The following ANKRD13D variants were observed in gnomAD, a reference collection of about 807,000 sequenced individuals.
ANKRD13D encodes ankyrin repeat domain-containing protein 13D.
ANKRD13D carries 24 observed loss-of-function variants against 68.8 expected under a neutral mutation model. That is an observed-to-expected ratio of 0.35 (90% CI 0.25 to 0.49). ANKRD13D has a LOEUF of 0.49. ANKRD13D is among the 20% of genes least tolerant of loss of function. ANKRD13D has a pLI of 0.99. For synonymous variants in ANKRD13D, 331 were observed against 336.1 expected (o/e 0.98, Z 0.16); for missense variants, 735 against 832.1 (o/e 0.88, Z 1.44).
In ANKRD13D at chr11:67,299,404, T is replaced by A; in HGVS notation, c.799-126T>A. On this transcript the variant is annotated intron_variant, in intron 7 of 14. Transcript: ENST00000511455. This position sits in a 1 kb window ranked among gnomAD's most constrained non-coding sequence, Gnocchi z 6.2. ...TTCCTGGGGTTCAGACCCTGCCACC[T>A]CCTCCATTTTGGGGAGCAAGATCTC... The A allele has an allele frequency of 1.2e-6, 1 of 847,928 alleles. No homozygotes were observed. The highest frequency in any genetic ancestry group is 1.9e-6 in the Non-Finnish European group (1 of 539,346). The allele number at this position is 847,928 out of a possible 1,614,324, so 52.5% of individuals were successfully genotyped here. A position where few individuals can be genotyped will look rare whatever the true frequency, so the allele number is the denominator to read the frequency against.
rs937301826 is a variant in ANKRD13D, at chr11:67,289,396, G to T, written c.-65G>T. 5 of 1,200,852 alleles carry T rather than the reference G, an allele frequency of 4.2e-6. No individual in the cohort carries two copies. In the African/African-American group the frequency reaches 4.8e-5, roughly 12 times the overall value. The allele number at this position is 1,200,852 out of a possible 1,614,324, so 74.4% of individuals were successfully genotyped here. A position where few individuals can be genotyped will look rare whatever the true frequency, so the allele number is the denominator to read the frequency against. ...CGCAGCTGGGGCGCGGCTCGGAGGG[G>T]AGGCTAGGGGGCCGTGCCAGGCCCG... is the stretch of plus-strand genomic sequence containing the variant. On this transcript the variant is annotated 5_prime_UTR_variant, in exon 1 of 15. Coordinates refer to ENST00000511455, the MANE Select transcript of ANKRD13D (RefSeq NM_207354.3).
At chr11:67,297,095 G>C (rs1243121982) in intron 6 of ANKRD13D, among the ~76,000 whole-genome samples, 1 of 151,896 alleles carries the variant, frequency 6.6e-6, no homozygotes, top group African/African-American at 2.4e-5. Flanking sequence ...TGTTCTTTCT[G>C]GTTTAGTTTG....
chr11:67,301,359 G>A lies in ANKRD13D; in HGVS notation c.1309G>A (p.Val437Met), dbSNP rs138656438. The A allele has an allele frequency of 1.9e-4, 304 of 1,613,430 alleles. No homozygotes were observed. In the African/African-American group the frequency reaches 3.3e-3, roughly 18 times the overall value. ...LCGCDEPLSS[V>M]WVPAPSSAVA... ...TGGCTGTGATGAGCCCCTGAGCTCC[G>A]TGTGGGTGCCGGCCCCCAGCTCTGC... Residue 437 changes from valine to methionine, a missense_variant, in exon 12 of 15, where the codon GTG becomes ATG. By Grantham distance (21) the Val-to-Met change is conservative. Transcript: ENST00000511455. The surrounding 1 kb of genome is among the most constrained non-coding windows in gnomAD (Gnocchi z 4.5).
rs1314181777 is a variant in ANKRD13D at position 67,292,074 on chromosome 11, G to A, written c.625G>A (p.Glu209Lys). ...ACTGGGGCTCACTCTGCAGGAGCCC[G>A]AAACACTGCTGGCCGCCATGCGGCC... ...ETLGLTLQEP[E>K]TLLAAMRPSE... The change falls in exon 6 of 15, where the codon GAA (glutamate) becomes AAA (lysine). Residue 209 changes from glutamate (E) to lysine (K), a missense_variant. By Grantham distance (56) the Glu-to-Lys change is moderately conservative. Transcript: ENST00000511455. 20 of 1,611,874 alleles carry A rather than the reference G, an allele frequency of 1.2e-5. No homozygotes were observed. Among genetic ancestry groups the A allele is most frequent in the Middle Eastern group, 3.4e-4 (2 of 5,950 alleles).
chr11:67,289,900 T>C, intron 1 of ANKRD13D, 178 bp from the exon 2 acceptor site: 1 of 1,435,784 alleles, frequency 7.0e-7, no homozygotes, highest in South Asian at 1.5e-5. Context: ...GCTCTGCCCC[T>C]GCCTTCCCTC....
At chr11:67,292,339 A>G (rs1330849174) in intron 6 of ANKRD13D, among the ~76,000 whole-genome samples, 159 bp downstream of exon 6, 5 of 152,244 alleles carry the variant, frequency 3.3e-5, no homozygotes, top group East Asian at 3.9e-4. Flanking sequence ...CCCGTGTCTC[A>G]CTCAGACTGC....
rs1252564908 is a variant in ANKRD13D at position 67,291,971 on chromosome 11, C to T, written c.542-20C>T. ...CAGCACTGATTTGCGCCCCCTCTGT[C>T]CACCCCTACCGGCCGGCAGAGGCAG... On this transcript the variant is annotated intron_variant, in intron 5 of 14. Coordinates refer to ENST00000511455, the MANE Select transcript of ANKRD13D (RefSeq NM_207354.3). 1.3e-6 allele frequency: 2 copies of T among 1,561,446 alleles called. No homozygotes were observed. Among genetic ancestry groups the T allele is most frequent in the Non-Finnish European group, 1.7e-6 (2 of 1,149,920 alleles).
chr11:67,300,803 G>T lies in ANKRD13D; in HGVS notation c.1074-187G>T, dbSNP rs868172118. On this transcript the variant is annotated intron_variant, in intron 10 of 14. Transcript: ENST00000511455. The surrounding 1 kb of genome is among the most constrained non-coding windows in gnomAD (Gnocchi z 4.3). The stretch of plus-strand genomic sequence containing the variant: ...AGCCCCAGCCTGGGCCCAGGGAGGA[G>T]GGCAGCTTGGGCCACGTGGCCAGGA... 92 of 672,746 alleles carry T rather than the reference G, an allele frequency of 1.4e-4. No homozygotes were observed. In the South Asian group the frequency reaches 1.7e-3, roughly 13 times the overall value. 41.7% of individuals were successfully genotyped at this position (672,746 alleles called of 1,614,324 possible).
At chr11:67,291,557 G>T in intron 4 of ANKRD13D, 36 bp downstream of exon 4, 2 of 1,613,814 alleles carry the variant, frequency 1.2e-6, no homozygotes, top group Non-Finnish European at 1.7e-6. Flanking sequence ...GGGATTTGGG[G>T]TGGGGCCTTT....
intron 6 of ANKRD13D, among the ~76,000 whole-genome samples, chr11:67,296,898 A>G (rs1210964031): frequency 1.3e-5 from 2 of 152,180 alleles, no homozygotes; most frequent in African/African-American, 4.8e-5. Flanking sequence ...CTGACATTAC[A>G]GGTGTGAACC....
chr11:67,294,538 TG>T (rs1178591685), intron 6 of ANKRD13D, among the ~76,000 whole-genome samples: 3 of 152,032 alleles, frequency 2.0e-5, no homozygotes, highest in Non-Finnish European at 4.4e-5. Context: ...TGTTTTGTTT[TG>T]TTTTTTTGTT....
intron 3 of ANKRD13D, 89 bp from the exon 4 acceptor site, chr11:67,291,387 G>T: frequency 7.8e-7 from 1 of 1,289,928 alleles, no homozygotes; most frequent in Non-Finnish European, 1.1e-6. Context: ...ACCTGATGAA[G>T]GGCTGGGCTG....
In ANKRD13D at chr11:67,299,154, G is replaced by A; in HGVS notation, c.798+30G>A. 6.3e-7 allele frequency: 1 copy of A among 1,578,284 alleles called. No homozygotes were observed. Among genetic ancestry groups the A allele is most frequent in the Non-Finnish European group, 8.7e-7 (1 of 1,148,872 alleles). ...GAGAGGCTAGGGGTGGGGGGCTGGGGGTAGGAGATGAGGTCCAGGAACTCA... is the reference window on the plus strand; with the variant it reads ...GAGAGGCTAGGGGTGGGGGGCTGGGAGTAGGAGATGAGGTCCAGGAACTCA... On this transcript the variant is annotated intron_variant, in intron 7 of 14. Coordinates refer to ENST00000511455, the MANE Select transcript of ANKRD13D (RefSeq NM_207354.3). This position sits in a 1 kb window ranked among gnomAD's most constrained non-coding sequence, Gnocchi z 6.2.
chr11:67,289,715 C>A, intron 1 of ANKRD13D, 165 bp downstream of exon 1: 2 of 1,367,880 alleles, frequency 1.5e-6, no homozygotes, highest in Non-Finnish European at 1.9e-6. Context: ...GCCCCTCGCG[C>A]CTGAGCCTCT....
rs1441031718 is a variant in ANKRD13D, at chr11:67,302,110, G to A, written c.1605-9G>A. 1.3e-6 allele frequency: 2 copies of A among 1,552,662 alleles called. No individual in the cohort carries two copies. Among genetic ancestry groups the A allele is most frequent in the Non-Finnish European group, 1.7e-6 (2 of 1,147,290 alleles). On this transcript the variant is annotated splice_polypyrimidine_tract_variant and intron_variant, in intron 14 of 14. Coordinates refer to ENST00000511455, the MANE Select transcript of ANKRD13D (RefSeq NM_207354.3). ...GGCCTGTTCTTCCCTCCCCTGCCCT[G>A]CCTGGAAGGGCCCTCCAGGAAAGCC...
rs1358927449 is a variant in ANKRD13D, at chr11:67,301,074, C to T, written c.1158C>T (p.Ile386=). 6.2e-7 allele frequency: 1 copy of T among 1,614,092 alleles called. No individual in the cohort carries two copies. The change falls in exon 11 of 15, where the codon ATC becomes ATT. Residue 386 remains isoleucine, a synonymous_variant. Transcript: ENST00000511455. This position sits in a 1 kb window ranked among gnomAD's most constrained non-coding sequence, Gnocchi z 4.5. ...CCCCCATCATCGACCTAATGGCCAT[C>T]AGCAACGCTCACTTTGCCAAGCTGC... ...QVTPIIDLMA[I]SNAHFAKLRD... is the part of the protein sequence containing the mutation.
chr11:67,302,429 C>T lies in ANKRD13D; in HGVS notation c.*97C>T. On this transcript the variant is annotated 3_prime_UTR_variant, in exon 15 of 15. Transcript: ENST00000511455. Reference sequence around the variant, plus strand: ...TGCTGCTGAGCTTGGGGCCTGGAGCCCCAGGAATGAGCAGGCAGGGGAGAC... The same window carrying T: ...TGCTGCTGAGCTTGGGGCCTGGAGCTCCAGGAATGAGCAGGCAGGGGAGAC... The T allele has an allele frequency of 1.4e-6, 2 of 1,416,728 alleles. No homozygotes were observed. The highest frequency in any genetic ancestry group is 1.9e-6 in the Non-Finnish European group (2 of 1,075,288). The allele number at this position is 1,416,728 out of a possible 1,614,324, so 87.8% of individuals were successfully genotyped here.
chr11:67,301,263 C>G lies in ANKRD13D; in HGVS notation c.1232-19C>G. ...AGGTGGCTCTCCGCCAGGGCTCAGG[C>G]GTGGCTGTCTTCTCACAGAGATTCC... is the stretch of plus-strand genomic sequence containing the variant. On this transcript the variant is annotated intron_variant, in intron 11 of 14. Coordinates refer to ENST00000511455, the MANE Select transcript of ANKRD13D (RefSeq NM_207354.3). This position sits in a 1 kb window ranked among gnomAD's most constrained non-coding sequence, Gnocchi z 4.5. 6.2e-7 allele frequency: 1 copy of G among 1,604,750 alleles called. No individual in the cohort carries two copies. Among genetic ancestry groups the G allele is most frequent in the Non-Finnish European group, 8.5e-7 (1 of 1,174,896 alleles).
chr11:67,294,396 A>G (rs931605239), intron 6 of ANKRD13D, among the ~76,000 whole-genome samples: 8 of 152,250 alleles, frequency 5.3e-5, no homozygotes, highest in African/African-American at 1.9e-4. Flanking sequence ...TAAGTCTTCT[A>G]ATCCGTGAAC....
Sources: gnomAD v4.1 joint callset for allele counts (sites outside exome capture counted in the v4.1 genomes callset) on GRCh38, gnomAD v4.1.1 for gene constraint, Gnocchi (gnomAD v3.1) non-coding constraint, MANE v1.5 for transcripts, NCBI Gene and HGNC (gene_info 2026-07-23, HGNC 2026-07-21) for gene names.